Variants in WWOX observed in about 807,000 individuals in gnomAD.
WWOX encodes WW domain-containing oxidoreductase.
In WWOX, 69 loss-of-function variants were observed where a neutral mutation model predicts 46.2. The ratio of observed to expected loss-of-function variants is 1.49; its 90% CI spans 1.23 to 1.82. WWOX has a LOEUF of 1.82. Among genes scored for constraint, WWOX ranks in the 40% most tolerant of loss-of-function variants. WWOX has a pLI of 0.00. For missense variants in WWOX, 919 were observed against 542.6 expected (o/e 1.69, Z -6.89); for synonymous variants, 359 against 202.6 (o/e 1.77, Z -6.56).
chr16:78,160,540 T>G (rs375516346), intron 4 of WWOX, among the ~76,000 whole-genome samples: 3 of 152,240 alleles, frequency 2.0e-5, no homozygotes, highest in African/African-American at 7.2e-5. Context: ...TTTCTAACTT[T>G]CATTGTAATT....
chr16:78,225,466 A>C (rs1171000281), intron 5 of WWOX, among the ~76,000 whole-genome samples: 1 of 152,112 alleles, frequency 6.6e-6, no homozygotes, highest in Non-Finnish European at 1.5e-5. Context: ...ATTGCAACCA[A>C]ATCTATCAGC....
rs111418698 is a variant in WWOX at position 78,547,327 on chromosome 16, A to G, written c.1056+114575A>G. Among the ~76,000 whole-genome samples the G allele has an allele frequency of 3.4e-4, 52 of 152,218 alleles. 1 individual carries two copies. The highest frequency in any genetic ancestry group is 1.2e-3 in the African/African-American group (50 of 41,522). On this transcript the variant is annotated intron_variant, in intron 8 of 8. Coordinates refer to ENST00000566780, the MANE Select transcript of WWOX (RefSeq NM_016373.4). Reference sequence around the variant, plus strand: ...AGAGGGGGCACTATTAGTATCCCCAATTTACAGATGAAAAAAATGAGGGAC... The same window carrying G: ...AGAGGGGGCACTATTAGTATCCCCAGTTTACAGATGAAAAAAATGAGGGAC...
intron 8 of WWOX, among the ~76,000 whole-genome samples, chr16:78,913,500 A>G (rs6564623): frequency 0.92 from 139,171 of 151,848 alleles, 65,024 homozygotes; most frequent in East Asian, 1. Context: ...GAAGCCATAC[A>G]CAAGCTGGAT....
intron 5 of WWOX, among the ~76,000 whole-genome samples, chr16:78,181,304 T>C (rs1051513258): frequency 1.3e-5 from 2 of 152,154 alleles, no homozygotes; most frequent in African/African-American, 4.8e-5. Flanking sequence ...GGGGTGTTGA[T>C]CACTGTTTTC....
Position 79,172,668 on chromosome 16 carries a change from G to C in WWOX, c.1057-38940G>C, listed in dbSNP as rs537776318. Among the ~76,000 whole-genome samples, 6 of 152,084 alleles carry C rather than the reference G, an allele frequency of 3.9e-5. No homozygotes were observed. In the South Asian group the frequency reaches 1.2e-3, roughly 32 times the overall value. On this transcript the variant is annotated intron_variant, in intron 8 of 8. Transcript: ENST00000566780. ...AAGACAAACTGTGAGGTGTTTTTTTGTTTGTGTGCACGCGCACGTATGTGT... is the reference window on the plus strand; with the variant it reads ...AAGACAAACTGTGAGGTGTTTTTTTCTTTGTGTGCACGCGCACGTATGTGT...
chr16:78,875,821 G>A (rs2044223150), intron 8 of WWOX, among the ~76,000 whole-genome samples: 1 of 152,190 alleles, frequency 6.6e-6, no homozygotes, highest in Admixed American at 6.5e-5. Flanking sequence ...TGACTTACAG[G>A]TTTCTAGGGC....
intron 8 of WWOX, among the ~76,000 whole-genome samples, chr16:78,798,297 C>T (rs960361126): frequency 2.6e-5 from 4 of 151,922 alleles, no homozygotes; most frequent in South Asian, 2.1e-4. Context: ...CTCAGATTGA[C>T]GCTTTTCAAG....
At chr16:78,394,076 C>A (rs79133503) in intron 6 of WWOX, among the ~76,000 whole-genome samples, 1 of 152,020 alleles carries the variant, frequency 6.6e-6, no homozygotes, top group African/African-American at 2.4e-5. Flanking sequence ...AAATAAATTC[C>A]AAATTTTGTG....
intron 8 of WWOX, among the ~76,000 whole-genome samples, chr16:78,836,984 A>G (rs1403544692): frequency 2.0e-5 from 3 of 152,140 alleles, no homozygotes; most frequent in African/African-American, 7.2e-5. Flanking sequence ...GGGAGAGTGG[A>G]GGTTGTTCTC....
intron 8 of WWOX, among the ~76,000 whole-genome samples, chr16:78,536,366 G>A (rs1039592295): frequency 6.6e-6 from 1 of 151,866 alleles, no homozygotes; most frequent in Non-Finnish European, 1.5e-5. Flanking sequence ...TGAGAAAGAA[G>A]CTGCGAGCTG....
intron 8 of WWOX, among the ~76,000 whole-genome samples, chr16:78,826,486 T>A (rs559460329): frequency 3.3e-5 from 5 of 152,220 alleles, no homozygotes; most frequent in Non-Finnish European, 7.3e-5. Flanking sequence ...CTGCTCGTGA[T>A]TGTGGGCTGT....
intron 8 of WWOX, among the ~76,000 whole-genome samples, chr16:79,060,088 G>A (rs13336209): frequency 0.095 from 14,494 of 152,150 alleles, 1,516 homozygotes; most frequent in African/African-American, 0.27. Flanking sequence ...TACAAACCAG[G>A]TGTATAGTTA....
chr16:78,455,409 G>C (rs1403116416), intron 8 of WWOX, among the ~76,000 whole-genome samples: 1 of 152,056 alleles, frequency 6.6e-6, no homozygotes, highest in Non-Finnish European at 1.5e-5. Context: ...GGGAGGCCAA[G>C]GTGGACGGAT....
intron 5 of WWOX, among the ~76,000 whole-genome samples, chr16:78,366,344 A>G (rs773172491): frequency 3.9e-5 from 6 of 152,228 alleles, no homozygotes; most frequent in African/African-American, 7.2e-5. Flanking sequence ...CTATCCACAC[A>G]TCCTTAACTC....
intron 7 of WWOX, 65 bp downstream of exon 7, chr16:78,425,120 G>T (rs778327490): frequency 6.9e-5 from 111 of 1,597,698 alleles, no homozygotes; most frequent in Non-Finnish European, 8.9e-5. Context: ...TTCCCCCAAG[G>T]CTCTCATTCT....
chr16:78,395,116 T>A (rs2082256469), intron 6 of WWOX, among the ~76,000 whole-genome samples: 1 of 152,198 alleles, frequency 6.6e-6, no homozygotes, highest in African/African-American at 2.4e-5. Flanking sequence ...TTAGAAAGGT[T>A]TCTGAGAATA....
chr16:78,187,250 C>T (rs796318723), intron 5 of WWOX, among the ~76,000 whole-genome samples: 15 of 152,256 alleles, frequency 9.9e-5, no homozygotes, highest in African/African-American at 2.4e-4. Flanking sequence ...CACACATGGC[C>T]GAGTTATGCC....
chr16:78,981,278 C>A lies in WWOX; in HGVS notation c.1057-230330C>A, dbSNP rs374626270. ...TAGGATTTCTCTGCGCTGGCTGATGCCTGAGCCATCTAATGATCTTTACGG... is the reference window on the plus strand; with the variant it reads ...TAGGATTTCTCTGCGCTGGCTGATGACTGAGCCATCTAATGATCTTTACGG... On this transcript the variant is annotated intron_variant, in intron 8 of 8. Coordinates refer to ENST00000566780, the MANE Select transcript of WWOX (RefSeq NM_016373.4). 1.6e-3 allele frequency among the ~76,000 whole-genome samples: 251 copies of A among 152,180 alleles called. 1 individual carries two copies. Among genetic ancestry groups the A allele is most frequent in the African/African-American group, 5.6e-3 (231 of 41,498 alleles).
intron 8 of WWOX, among the ~76,000 whole-genome samples, chr16:79,161,037 A>G (rs576540522): frequency 3.3e-5 from 5 of 152,306 alleles, no homozygotes; most frequent in African/African-American, 9.6e-5. Flanking sequence ...TACTCTGACT[A>G]TGGCAACACT....
Sources: gnomAD v4.1 joint callset for allele counts (sites outside exome capture counted in the v4.1 genomes callset) on GRCh38, gnomAD v4.1.1 for gene constraint, MANE v1.5 for transcripts, NCBI Gene and HGNC (gene_info 2026-07-23, HGNC 2026-07-21) for gene names.